The following ARRB1 variants were observed in gnomAD, a reference collection of about 807,000 sequenced individuals.
ARRB1 encodes beta-arrestin-1.
Under a neutral mutation model 56.8 loss-of-function variants are expected in ARRB1, and 21 were observed. The observed-to-expected ratio is 0.37, with a 90% CI of 0.26 to 0.53. The LOEUF is 0.53. Among genes scored for constraint, ARRB1 ranks in the 20% least tolerant of loss-of-function variants. ARRB1 has a pLI of 0.88. For synonymous variants in ARRB1, 210 were observed against 218.6 expected, an observed-to-expected ratio of 0.96 and a Z score of 0.35; for missense variants, 424 against 553.7, an observed-to-expected ratio of 0.77 and a Z score of 2.35.
At chr11:75,288,021 C>G (rs1003320211) in intron 2 of ARRB1, among the ~76,000 whole-genome samples, 1 of 152,110 alleles carries the variant, frequency 6.6e-6, no homozygotes, top group African/African-American at 2.4e-5. Context: ...CACCACCACA[C>G]GCAGCTAATT....
At chr11:75,312,086 C>T (rs1317801161) in intron 1 of ARRB1, 1 of 1,289,468 alleles carries the variant, frequency 7.8e-7, no homozygotes. Flanking sequence ...CTGCAAGTCT[C>T]CTTCCATGGC....
intron 1 of ARRB1, among the ~76,000 whole-genome samples, chr11:75,334,936 T>TTTTG (rs1261333908): frequency 7.9e-5 from 12 of 151,430 alleles, no homozygotes; most frequent in Non-Finnish European, 1.8e-4. Flanking sequence ...AAGGTTTTTT[T>TTTTG]TTTGTTTGTT....
chr11:75,348,389 C>T (rs561402921), intron 1 of ARRB1, among the ~76,000 whole-genome samples: 21 of 152,248 alleles, frequency 1.4e-4, no homozygotes, highest in African/African-American at 5.1e-4. Context: ...CTCCTTAAGC[C>T]TCCCACAACA....
chr11:75,302,155 G>C (rs1419229871), intron 1 of ARRB1, among the ~76,000 whole-genome samples: 2 of 151,796 alleles, frequency 1.3e-5, no homozygotes, highest in African/African-American at 4.9e-5. Flanking sequence ...CAGGGCACAG[G>C]GCAGTGCCTG....
intron 1 of ARRB1, among the ~76,000 whole-genome samples, chr11:75,326,944 T>G (rs1020104416): frequency 1.3e-5 from 2 of 151,976 alleles, no homozygotes; most frequent in East Asian, 3.9e-4. Context: ...TGAGCTCAAG[T>G]GATCTGCCCA....
At position 75,261,581 on chromosome 11, in the gene ARRB1, A is replaced by G. The variant is rs1398938666; in HGVS notation, c.*4582T>C. The G allele has an allele frequency of 6.6e-6, 1 of 152,078 alleles. No individual in the cohort carries two copies. Among genetic ancestry groups the G allele is most frequent in the Non-Finnish European group, 1.5e-5 (1 of 68,026 alleles). 9.4% of individuals were successfully genotyped at this position (152,078 alleles called of 1,614,324 possible). A position where few individuals can be genotyped will look rare whatever the true frequency, so the allele number is the denominator to read the frequency against. ...AAAACCACTGTGTCAGTGTCTACAA[A>G]CCATAGGCCCCACGGACCTGTGCTT... On this transcript the variant is annotated 3_prime_UTR_variant, in exon 16 of 16. Coordinates refer to ENST00000420843, the MANE Select transcript of ARRB1 (RefSeq NM_004041.5).
chr11:75,349,974 C>A (rs1947822217), intron 1 of ARRB1, among the ~76,000 whole-genome samples: 1 of 152,238 alleles, frequency 6.6e-6, no homozygotes, highest in South Asian at 2.1e-4. Flanking sequence ...CCCCTTTTGA[C>A]CTTAGGCAAA....
intron 1 of ARRB1, among the ~76,000 whole-genome samples, chr11:75,320,237 G>A (rs1368471431): frequency 2.0e-5 from 3 of 152,296 alleles, no homozygotes; most frequent in Non-Finnish European, 2.9e-5. Flanking sequence ...GCCCCAGGCC[G>A]GAGAGGATGG....
intron 1 of ARRB1, chr11:75,306,761 A>T (rs888520931): frequency 2.0e-6 from 2 of 1,001,004 alleles, no homozygotes; most frequent in Non-Finnish European, 2.6e-6. Flanking sequence ...CGTTCCTGAT[A>T]CGCGTCCTGT....
In ARRB1 at chr11:75,264,415, A is replaced by C. The variant is rs1274909004; in HGVS notation, c.*1748T>G. On this transcript the variant is annotated 3_prime_UTR_variant, in exon 16 of 16. Transcript: ENST00000420843. ...CAATATATTTGCCTGGGTAAACCTC[A>C]GGGTGTCTGTGCCCACAGGGGGCTG... The C allele has an allele frequency of 6.6e-6, 1 of 152,266 alleles. No individual in the cohort carries two copies. Among genetic ancestry groups the C allele is most frequent in the African/African-American group, 2.4e-5 (1 of 41,454 alleles). The allele number at this position is 152,266 out of a possible 1,614,324, so 9.4% of individuals were successfully genotyped here. A position where few individuals can be genotyped will look rare whatever the true frequency, so the allele number is the denominator to read the frequency against.
In ARRB1 at chr11:75,338,254, A is replaced by C. The variant is rs369502131; in HGVS notation, c.20+13334T>G. Among the ~76,000 whole-genome samples the C allele has an allele frequency of 1.9e-4, 29 of 152,292 alleles. 2 individuals are homozygous for C. Among genetic ancestry groups the C allele is most frequent in the African/African-American group, 6.5e-4 (27 of 41,542 alleles). ...AAGAATGACCAGATGTGAATTTCAG[A>C]ATAACAGGATGGCTTGGAGGGTTGG... On this transcript the variant is annotated intron_variant, in intron 1 of 15. Coordinates refer to ENST00000420843, the MANE Select transcript of ARRB1 (RefSeq NM_004041.5).
intron 1 of ARRB1, among the ~76,000 whole-genome samples, chr11:75,330,459 T>C (rs948191744): frequency 1.3e-5 from 2 of 152,088 alleles, no homozygotes; most frequent in Non-Finnish European, 2.9e-5. Context: ...CCCCTGGCTA[T>C]ATGTAAATGT....
rs1455357626 is a variant in ARRB1, at chr11:75,351,572, G to A, written c.20+16C>T. On this transcript the variant is annotated intron_variant, in intron 1 of 15. Coordinates refer to ENST00000420843, the MANE Select transcript of ARRB1 (RefSeq NM_004041.5). Reference sequence around the variant, plus strand: ...GCCCCCACGCGCCCCCCGCCGGGCGGCCGCCCTGCACTCACCGGGTCCCTT... The same window carrying A: ...GCCCCCACGCGCCCCCCGCCGGGCGACCGCCCTGCACTCACCGGGTCCCTT... The A allele has an allele frequency of 2.0e-6, 3 of 1,498,526 alleles. No individual in the cohort carries two copies. The highest frequency in any genetic ancestry group is 1.5e-5 in the African/African-American group (1 of 68,536). The allele number at this position is 1,498,526 out of a possible 1,614,324, so 92.8% of individuals were successfully genotyped here. A position where few individuals can be genotyped will look rare whatever the true frequency, so the allele number is the denominator to read the frequency against.
intron 10 of ARRB1, among the ~76,000 whole-genome samples, chr11:75,275,127 A>ATTTTATTTTATTTTATTTTG (rs1330179792): frequency 4.8e-5 from 7 of 145,568 alleles, no homozygotes; most frequent in Admixed American, 2.1e-4. Context: ...ATTTAAATTT[A>ATTTTATTTTATTTTATTTTG]TTTTATTTTA....
chr11:75,314,369 G>A (rs1236333969), intron 1 of ARRB1, among the ~76,000 whole-genome samples: 1 of 151,454 alleles, frequency 6.6e-6, no homozygotes, highest in East Asian at 1.9e-4. Context: ...CAGCTCCCAG[G>A]GATGCCCCCC....
chr11:75,327,892 C>T, intron 1 of ARRB1, among the ~76,000 whole-genome samples: 1 of 152,104 alleles, frequency 6.6e-6, no homozygotes, highest in Non-Finnish European at 1.5e-5. Flanking sequence ...TGGGTGAGCT[C>T]AGGAGTTTGA....
chr11:75,290,957 A>T (rs1027104589), intron 1 of ARRB1, among the ~76,000 whole-genome samples: 1 of 152,054 alleles, frequency 6.6e-6, no homozygotes, highest in African/African-American at 2.4e-5. Context: ...TTATGTGTCT[A>T]CTCTGCTAAT....
chr11:75,293,825 T>C (rs984983964), intron 1 of ARRB1, among the ~76,000 whole-genome samples: 4 of 152,144 alleles, frequency 2.6e-5, no homozygotes, highest in Non-Finnish European at 4.4e-5. Context: ...TGGGAAGCCA[T>C]CTGAATCTCA....
intron 1 of ARRB1, among the ~76,000 whole-genome samples, chr11:75,310,301 A>T (rs943342716): frequency 1.3e-5 from 2 of 152,210 alleles, no homozygotes; most frequent in South Asian, 4.1e-4. Flanking sequence ...TGCGCCTGGC[A>T]TGTAACCTGG....
Sources: allele counts gnomAD v4.1 joint callset (sites outside exome capture counted in the v4.1 genomes callset), GRCh38; gene constraint gnomAD v4.1.1; transcripts MANE v1.5; gene names NCBI Gene and HGNC (gene_info 2026-07-23, HGNC 2026-07-21).